Variants in PCNT observed in about 807,000 individuals in gnomAD.
PCNT encodes the protein pericentrin.
Under a neutral mutation model 380.4 loss-of-function variants are expected in PCNT, and 319 were observed. The observed-to-expected ratio is 0.84, with a 90% confidence interval of 0.77 to 0.92. The LOEUF is 0.92. Ranked by LOEUF, PCNT falls within the 40% of genes least tolerant of loss-of-function variation. PCNT has a pLI of 0.00. For missense variants in PCNT, 4,400 were observed against 4,255.3 expected (o/e 1.03, Z -0.95); for synonymous variants, 1,845 against 1,735.2 (o/e 1.06, Z -1.57).
intron 21 of PCNT, among the ~76,000 whole-genome samples, chr21:46,395,410 G>C (rs1444038419): frequency 6.6e-6 from 1 of 151,362 alleles, no homozygotes; most frequent in Non-Finnish European, 1.5e-5. Flanking sequence ...CAGCAGCAGA[G>C]ACTCCATCTC....
At chr21:46,404,079 TTGTGTGTGTGGTG>T (rs1601977908) in intron 27 of PCNT, among the ~76,000 whole-genome samples, 15 of 54,088 alleles carry the variant, frequency 2.8e-4, no homozygotes, top group South Asian at 6.5e-4. Context: ...CGTGGGAGAA[TTGTGTGTGTGGTG>T]CCCACGCGGC....
intron 27 of PCNT, among the ~76,000 whole-genome samples, chr21:46,403,551 G>C (rs2086512296): frequency 7.2e-6 from 1 of 138,200 alleles, no homozygotes; most frequent in African/African-American, 2.7e-5. Flanking sequence ...CAGCGTGGGA[G>C]AATTGTGTGT....
At position 46,382,371 on chromosome 21, in the gene PCNT, T is replaced by C. The variant is rs950505299; in HGVS notation, c.3312+531T>C. On this transcript the variant is annotated intron_variant, in intron 16 of 46. Transcript: ENST00000359568. ...GAAGCGCAATCACAGTGTTGTATAT[T>C]CAGTGACGGAAGCGCATTCACAGTG... Among the ~76,000 whole-genome samples, 5 of 145,482 alleles carry C rather than the reference T, an allele frequency of 3.4e-5. 1 individual carries two copies. The highest frequency in any genetic ancestry group is 1.3e-4 in the African/African-American group (5 of 39,650).
intron 33 of PCNT, 116 bp downstream of exon 33, chr21:46,426,087 T>TG: frequency 8.4e-7 from 1 of 1,185,740 alleles, no homozygotes; most frequent in Non-Finnish European, 1.2e-6. Context: ...TTTTTTTTTT[T>TG]TTTTTTTTTG....
intron 6 of PCNT, 116 bp from the exon 7 acceptor site, chr21:46,348,896 G>T: frequency 2.7e-6 from 2 of 727,580 alleles, no homozygotes; most frequent in Admixed American, 4.2e-5. Flanking sequence ...AAAGTGCTGG[G>T]ATTAGAGGCA....
rs755054725 is a variant in PCNT, at chr21:46,443,937, C to G, written c.9828C>G (p.His3276Gln). Residue 3276 changes from histidine to glutamine, a missense_variant, in exon 45 of 47, where the codon CAC (histidine) becomes CAG (glutamine). Physicochemically the swap from His to Gln is conservative, Grantham distance 24. Transcript: ENST00000359568. Reference protein sequence around the residue: ...GRRLAAAASPHSGGRATPSPN... With the variant: ...GRRLAAAASPQSGGRATPSPN... ...GACTGGCAGCAGCAGCCTCCCCACA[C>G]AGTGGGGGAAGGTCAGTGTGATGCC... 2.5e-6 allele frequency: 4 copies of G among 1,612,138 alleles called. No individual in the cohort carries two copies. The highest frequency in any genetic ancestry group is 3.4e-6 in the Non-Finnish European group (4 of 1,179,862).
Position 46,411,519 on chromosome 21 carries a change from G to A in PCNT, c.5446G>A (p.Ala1816Thr). Residue 1816 changes from alanine to threonine, a missense_variant, in exon 28 of 47, where the codon GCC becomes ACC. Transcript: ENST00000359568. ...LADQERRHSQ[A>T]LEALQQRLQG... ...TGACCAGGAGCGCAGGCACAGCCAGGCCCTGGAGGCCCTGCAGCAGCGCCT... is the reference window on the plus strand; with the variant it reads ...TGACCAGGAGCGCAGGCACAGCCAGACCCTGGAGGCCCTGCAGCAGCGCCT... 1 of 1,609,642 alleles carries A rather than the reference G, an allele frequency of 6.2e-7. No individual in the cohort carries two copies. Among genetic ancestry groups the A allele is most frequent in the Non-Finnish European group, 8.5e-7 (1 of 1,178,520 alleles).
At position 46,397,339 on chromosome 21, in the gene PCNT, G is replaced by A; in HGVS notation, c.4291G>A (p.Ala1431Thr). The change falls in exon 22 of 47, where the codon GCC becomes ACC. Residue 1431 changes from alanine (A) to threonine (T), a missense_variant. Ala to Thr is a moderately conservative substitution (Grantham distance 58). Transcript: ENST00000359568. ...TRKQAEKDRS[A>T]LLSQMKILES... ...GAAGCAGGCTGAGAAGGACCGCTCA[G>A]CCCTGCTCTCCCAGATGAAGATTTT... The A allele has an allele frequency of 9.3e-6, 15 of 1,614,122 alleles. No individual in the cohort carries two copies. The highest frequency in any genetic ancestry group is 1.3e-5 in the Non-Finnish European group (15 of 1,180,020).
chr21:46,372,004 C>T (rs2085154520), intron 15 of PCNT, among the ~76,000 whole-genome samples: 1 of 150,718 alleles, frequency 6.6e-6, no homozygotes, highest in Admixed American at 6.6e-5. Context: ...CACACACACA[C>T]AGCACATGCA....
Position 46,431,803 on chromosome 21 carries a change from T to A in PCNT, c.8339T>A (p.Val2780Glu). ...AGCCAGAGGACACAGGAGGCTTGCG[T>A]GCACCAGGACACACAGGCCCATCAC... is the stretch of plus-strand genomic sequence containing the variant. ...QLSQRTQEACVHQDTQAHHAL... is the reference protein window; with the variant it reads ...QLSQRTQEACEHQDTQAHHAL... The change falls in exon 38 of 47, where the codon GTG (valine) becomes GAG (glutamate). Residue 2780 changes from valine to glutamate, a missense_variant. By Grantham distance (121) the Val-to-Glu change is moderately radical. Transcript: ENST00000359568. The A allele has an allele frequency of 6.2e-7, 1 of 1,613,588 alleles. No individual in the cohort carries two copies. The highest frequency in any genetic ancestry group is 2.2e-5 in the East Asian group (1 of 44,882).
intron 13 of PCNT, among the ~76,000 whole-genome samples, chr21:46,358,186 T>C (rs948163668): frequency 6.6e-6 from 1 of 152,232 alleles, no homozygotes; most frequent in African/African-American, 2.4e-5. Flanking sequence ...ACGGGGCAGC[T>C]CAGGGTCCAT....
intron 5 of PCNT, 114 bp downstream of exon 5, chr21:46,347,112 T>A: frequency 2.3e-6 from 3 of 1,294,056 alleles, no homozygotes; most frequent in Non-Finnish European, 3.2e-6. Context: ...TCCCCATCTC[T>A]GTTCTCAGCA....
intron 16 of PCNT, among the ~76,000 whole-genome samples, chr21:46,383,481 GTA>G (rs2085673149): frequency 1.4e-5 from 2 of 143,694 alleles, no homozygotes; most frequent in Non-Finnish European, 3.0e-5. Flanking sequence ...TCACAGTGTT[GTA>G]TATTCAGTGG....
intron 9 of PCNT, 27 bp from the exon 10 acceptor site, chr21:46,353,077 C>A (rs200583128): frequency 1.3e-6 from 2 of 1,592,368 alleles, no homozygotes; most frequent in Non-Finnish European, 1.7e-6. Context: ...CATTTTAAGA[C>A]GATTGCCTGA....
Position 46,431,782 on chromosome 21 carries a change from A to C in PCNT, c.8318A>C (p.Gln2773Pro). The change falls in exon 38 of 47, where the codon CAG becomes CCG. Residue 2773 changes from glutamine to proline, a missense_variant. Gln to Pro is a moderately conservative substitution (Grantham distance 76). Transcript: ENST00000359568. ...HERLLTEQLS[Q>P]RTQEACVHQD... ...CGGCTCCTGACCGAGCAGCTGAGCC[A>C]GAGGACACAGGAGGCTTGCGTGCAC... The C allele has an allele frequency of 6.2e-7, 1 of 1,613,350 alleles. No individual in the cohort carries two copies. Among genetic ancestry groups the C allele is most frequent in the Non-Finnish European group, 8.5e-7 (1 of 1,180,030 alleles).
chr21:46,402,644 G>C (rs560656085), intron 27 of PCNT, among the ~76,000 whole-genome samples, 161 bp downstream of exon 27: 1 of 152,204 alleles, frequency 6.6e-6, no homozygotes, highest in African/African-American at 2.4e-5. Context: ...TCTGCCTGGG[G>C]ACATGTGCAT....
Position 46,438,166 on chromosome 21 carries a change from A to G in PCNT, c.9102A>G (p.Lys3034=), listed in dbSNP as rs776579658. 17 of 1,613,384 alleles carry G rather than the reference A, an allele frequency of 1.1e-5. No individual in the cohort carries two copies. The highest frequency in any genetic ancestry group is 1.3e-5 in the African/African-American group (1 of 74,934). ...AAATTTATTTTCTTTTCTCCAAGAA[A>G]AAAATGGCAGCAGAGCTGCAGTTCC... The part of the protein sequence containing the change: ...SDLSRPTSSQ[K]KMAAELQFQF... The change falls in exon 41 of 47, where the codon AAA becomes AAG. Residue 3034 remains lysine, a splice_region_variant and synonymous_variant. Coordinates refer to ENST00000359568, the MANE Select transcript of PCNT (RefSeq NM_006031.6).
rs2084953859 is a variant in PCNT, at chr21:46,367,058, G to T, written c.3084G>T (p.Gln1028His). 2 of 1,614,024 alleles carry T rather than the reference G, an allele frequency of 1.2e-6. No individual in the cohort carries two copies. Among genetic ancestry groups the T allele is most frequent in the Non-Finnish European group, 1.7e-6 (2 of 1,180,022 alleles). The stretch of plus-strand genomic sequence containing the variant: ...AGCGGAAACACGAAGGGGAGCTACA[G>T]TCTGTGCGGGACCACCTGCGAACCG... Reference protein sequence around the residue: ...KLKRKHEGELQSVRDHLRTEV... With the variant: ...KLKRKHEGELHSVRDHLRTEV... Residue 1028 changes from glutamine (Q) to histidine (H), a missense_variant, in exon 15 of 47, where the codon CAG becomes CAT. Coordinates refer to ENST00000359568, the MANE Select transcript of PCNT (RefSeq NM_006031.6).
At chr21:46,371,869 ACACACACAGCACATG>A (rs1002878499) in intron 15 of PCNT, among the ~76,000 whole-genome samples, 4 of 130,464 alleles carry the variant, frequency 3.1e-5, no homozygotes, top group Admixed American at 7.2e-5. Context: ...GCATGTGTGC[ACACACACAGCACATG>A]CACACACAGC....
Sources: allele counts gnomAD v4.1 joint callset (sites outside exome capture counted in the v4.1 genomes callset), GRCh38; gene constraint gnomAD v4.1.1; transcripts MANE v1.5; gene names NCBI Gene and HGNC (gene_info 2026-07-23, HGNC 2026-07-21).